Variants in GTPBP10 observed in about 807,000 individuals in gnomAD.
GTPBP10 encodes the protein GTP binding protein 10.
Under a neutral mutation model 44.8 loss-of-function variants are expected in GTPBP10, and 38 were observed. That is an observed-to-expected ratio of 0.85 (90% confidence interval 0.65 to 1.11). The LOEUF (loss-of-function observed/expected upper bound fraction) is 1.11, where lower values mean the gene tolerates loss of function less well. Among genes scored for constraint, GTPBP10 ranks in the 50% most tolerant of loss-of-function variants. The pLI is 0.00. For synonymous variants in GTPBP10, 152 were observed against 150.6 expected, an observed-to-expected ratio of 1.01 and a Z score of -0.07; for missense variants, 462 against 453.7, an observed-to-expected ratio of 1.02 and a Z score of -0.17.
chr7:90,386,694 C>T lies in GTPBP10; in HGVS notation c.*1540C>T, dbSNP rs532356521. On this transcript the variant is annotated 3_prime_UTR_variant, in exon 10 of 10. Coordinates refer to ENST00000222511, the MANE Select transcript of GTPBP10 (RefSeq NM_033107.4). ...CCCTGGCTCTCTATAAAACAGAAAA[C>T]GCAAACTTTAATATTATCAACAATC... The T allele has an allele frequency of 2.0e-5, 3 of 152,164 alleles. No individual in the cohort carries two copies. The highest frequency in any genetic ancestry group is 2.1e-4 in the South Asian group (1 of 4,816). 9.4% of individuals were successfully genotyped at this position (152,164 alleles called of 1,614,324 possible).
chr7:90,378,184 T>A lies in GTPBP10; in HGVS notation c.750T>A (p.Ala250=). The A allele has an allele frequency of 6.2e-7, 1 of 1,613,162 alleles. No individual in the cohort carries two copies. The highest frequency in any genetic ancestry group is 8.5e-7 in the Non-Finnish European group (1 of 1,179,514). ...QLSSHTQYRT[A]FETIILLTKE... is the part of the protein sequence containing the mutation. ...CTTCTCACACTCAATACAGGACAGC[T>A]TTTGAAACCATAATACTGCTTACAA... The change falls in exon 8 of 10, where the codon GCT becomes GCA. Residue 250 remains alanine, a synonymous_variant. Transcript: ENST00000222511.
At chr7:90,381,134 T>C (rs1441403373) in intron 8 of GTPBP10, among the ~76,000 whole-genome samples, 1 of 152,206 alleles carries the variant, frequency 6.6e-6, no homozygotes, top group African/African-American at 2.4e-5. Flanking sequence ...TTTTATTTCC[T>C]TTGGATATAT....
At chr7:90,382,115 G>A (rs1301104422) in intron 8 of GTPBP10, among the ~76,000 whole-genome samples, 1 of 152,014 alleles carries the variant, frequency 6.6e-6, no homozygotes, top group Non-Finnish European at 1.5e-5. Context: ...AGAGTGAAGA[G>A]GCAACCAAGG....
chr7:90,353,652 T>C (rs1197946158), intron 2 of GTPBP10, among the ~76,000 whole-genome samples: 3 of 152,056 alleles, frequency 2.0e-5, no homozygotes, highest in Non-Finnish European at 4.4e-5. Context: ...TGTTCAATTA[T>C]TATTTTGATA....
chr7:90,347,133 G>A (rs1217925357), intron 1 of GTPBP10, among the ~76,000 whole-genome samples: 1 of 152,096 alleles, frequency 6.6e-6, no homozygotes, highest in Non-Finnish European at 1.5e-5. Context: ...TGAGTGCGCT[G>A]TTTAAGGTTT....
At position 90,378,202 on chromosome 7, in the gene GTPBP10, G is replaced by A; in HGVS notation, c.768G>A (p.Leu256=). 1 of 1,611,614 alleles carries A rather than the reference G, an allele frequency of 6.2e-7. No individual in the cohort carries two copies. The highest frequency in any genetic ancestry group is 8.5e-7 in the Non-Finnish European group (1 of 1,178,580). Residue 256 remains leucine, a synonymous_variant, in exon 8 of 10, where the codon CTG becomes CTA. Coordinates refer to ENST00000222511, the MANE Select transcript of GTPBP10 (RefSeq NM_033107.4). The stretch of plus-strand genomic sequence containing the variant: ...GGACAGCTTTTGAAACCATAATACT[G>A]CTTACAAAAGTAGGTTTTCTGTTTT... The part of the protein sequence containing the change: ...QYRTAFETII[L]LTKELELYKE...
At chr7:90,359,299 C>T (rs1212700873) in intron 4 of GTPBP10, among the ~76,000 whole-genome samples, 2 of 152,004 alleles carry the variant, frequency 1.3e-5, no homozygotes, top group Non-Finnish European at 2.9e-5. Flanking sequence ...TCCCCCAGAC[C>T]CCCACCCCCT....
intron 8 of GTPBP10, among the ~76,000 whole-genome samples, chr7:90,379,384 G>C (rs1164977551): frequency 2.6e-5 from 4 of 152,060 alleles, no homozygotes; most frequent in African/African-American, 9.7e-5. Context: ...GATGTTCCCT[G>C]CCTAAAACAC....
rs927053365 is a variant in GTPBP10, at chr7:90,354,987, A to G, written c.320-99A>G. ...TCACTTACTAATCTATAGATTTGTA[A>G]TTTTGCATTTCTTTGCCTGTATTTC... On this transcript the variant is annotated intron_variant, in intron 3 of 9. Transcript: ENST00000222511. 5.7e-6 allele frequency: 4 copies of G among 697,238 alleles called. No homozygotes were observed. The highest frequency in any genetic ancestry group is 1.8e-5 in the African/African-American group (1 of 55,232). 43.2% of individuals were successfully genotyped at this position (697,238 alleles called of 1,614,324 possible). A position where few individuals can be genotyped will look rare whatever the true frequency, so the allele number is the denominator to read the frequency against.
chr7:90,374,653 T>C (rs908914285), intron 6 of GTPBP10, among the ~76,000 whole-genome samples: 1 of 152,194 alleles, frequency 6.6e-6, no homozygotes, highest in African/African-American at 2.4e-5. Context: ...TTTATCTTCA[T>C]TTTTTAAAAA....
At chr7:90,372,283 A>C (rs1796271734) in intron 5 of GTPBP10, 55 bp downstream of exon 5, 1 of 1,150,674 alleles carries the variant, frequency 8.7e-7, no homozygotes, top group African/African-American at 1.5e-5. Context: ...TTTAAAGACT[A>C]ATATTTCTCT....
intron 5 of GTPBP10, 56 bp from the exon 6 acceptor site, chr7:90,374,246 G>A: frequency 8.7e-7 from 1 of 1,150,266 alleles, no homozygotes; most frequent in Non-Finnish European, 1.3e-6. Context: ...ACAGTTTTGA[G>A]AGTACCAGCC....
At position 90,390,919 on chromosome 7, in the gene GTPBP10, A is replaced by G. The variant is rs1229773368; in HGVS notation, c.*5765A>G. 1 of 152,216 alleles carries G rather than the reference A, an allele frequency of 6.6e-6. No individual in the cohort carries two copies. The highest frequency in any genetic ancestry group is 1.5e-5 in the Non-Finnish European group (1 of 68,030). The allele number at this position is 152,216 out of a possible 1,614,324, so 9.4% of individuals were successfully genotyped here. A position where few individuals can be genotyped will look rare whatever the true frequency, so the allele number is the denominator to read the frequency against. On this transcript the variant is annotated 3_prime_UTR_variant, in exon 10 of 10. Coordinates refer to ENST00000222511, the MANE Select transcript of GTPBP10 (RefSeq NM_033107.4). Reference sequence around the variant, plus strand: ...GGTTTTGTGTGCTACAAATTGAGGGAGATTGAGAATATTTTAAATCAAGGG... The same window carrying G: ...GGTTTTGTGTGCTACAAATTGAGGGGGATTGAGAATATTTTAAATCAAGGG...
chr7:90,352,581 G>A (rs1795810831), intron 1 of GTPBP10, among the ~76,000 whole-genome samples: 1 of 152,216 alleles, frequency 6.6e-6, no homozygotes, highest in Non-Finnish European at 1.5e-5. Flanking sequence ...CTCAGGATAG[G>A]TGGGACAATA....
At chr7:90,381,667 A>G (rs1039372511) in intron 8 of GTPBP10, among the ~76,000 whole-genome samples, 1 of 152,234 alleles carries the variant, frequency 6.6e-6, no homozygotes, top group East Asian at 1.9e-4. Context: ...TTCAAAACCT[A>G]CTACAAAGCT....
At chr7:90,354,197 C>T (rs922764500) in intron 2 of GTPBP10, among the ~76,000 whole-genome samples, 6 of 151,970 alleles carry the variant, frequency 3.9e-5, no homozygotes, top group African/African-American at 9.7e-5. Flanking sequence ...ATTTTAGTTT[C>T]GGGTTAAAAT....
chr7:90,346,891 A>G (rs1795686868), intron 1 of GTPBP10, 117 bp downstream of exon 1: 2 of 1,132,728 alleles, frequency 1.8e-6, no homozygotes, highest in African/African-American at 1.5e-5. Flanking sequence ...TGGTTTTCCC[A>G]TAGACTTCTC....
intron 4 of GTPBP10, among the ~76,000 whole-genome samples, chr7:90,362,933 T>C (rs948487449): frequency 6.6e-6 from 1 of 152,196 alleles, no homozygotes; most frequent in African/African-American, 2.4e-5. Context: ...AAAGTCTGTT[T>C]TATCACAGAC....
At position 90,385,093 on chromosome 7, in the gene GTPBP10, T is replaced by C. The variant is rs1383742801; in HGVS notation, c.1103T>C (p.Met368Thr). The C allele has an allele frequency of 1.2e-6, 2 of 1,613,086 alleles. No individual in the cohort carries two copies. The highest frequency in any genetic ancestry group is 3.3e-5 in the Admixed American group (2 of 60,014). Residue 368 changes from methionine to threonine, a missense_variant, in exon 10 of 10, where the codon ATG (methionine) becomes ACG (threonine). By Grantham distance (81) the Met-to-Thr change is moderately conservative (BLOSUM62 -1). Coordinates refer to ENST00000222511, the MANE Select transcript of GTPBP10 (RefSeq NM_033107.4). Reference protein sequence around the residue: ...QLLNLWISDTMSSTEPPSKHA... With the variant: ...QLLNLWISDTTSSTEPPSKHA... The stretch of plus-strand genomic sequence containing the variant: ...CTTAATTTGTGGATTTCTGATACAA[T>C]GTCTTCTACTGAGCCACCATCAAAG...
Sources: gnomAD v4.1 joint callset for allele counts (sites outside exome capture counted in the v4.1 genomes callset) on GRCh38, gnomAD v4.1.1 for gene constraint, MANE v1.5 for transcripts, NCBI Gene and HGNC (gene_info 2026-07-23, HGNC 2026-07-21) for gene names.